MRPL1: variants seen among roughly 807,000 people sequenced by gnomAD.
MRPL1 encodes the protein large ribosomal subunit protein uL1m.
A neutral mutation model predicts 38.0 loss-of-function variants in MRPL1; 28 were observed. The ratio of observed to expected loss-of-function variants is 0.74; its 90% CI spans 0.55 to 1.01. The LOEUF (loss-of-function observed/expected upper bound fraction) is 1.01. Among genes scored for constraint, MRPL1 ranks in the 50% least tolerant of loss-of-function variants. The probability of loss-of-function intolerance (pLI) is 0.00; values close to 1 mark genes in which losing one functional copy is unlikely to be tolerated. For synonymous variants in MRPL1, 123 were observed against 126.7 expected (o/e 0.97, Z 0.20); for missense variants, 358 against 389.8 (o/e 0.92, Z 0.69).
intron 6 of MRPL1, among the ~76,000 whole-genome samples, chr4:77,896,793 A>G (rs565294574): frequency 3.2e-4 from 49 of 152,148 alleles, no homozygotes; most frequent in Non-Finnish European, 5.6e-4. Context: ...TTAATTGCTT[A>G]CATAACTGTA....
rs376670757 is a variant in MRPL1, at chr4:77,932,338, G to C, written c.778-17459G>C. Among the ~76,000 whole-genome samples the C allele has an allele frequency of 3.3e-5, 5 of 152,222 alleles. 1 individual carries two copies. Among genetic ancestry groups the C allele is most frequent in the African/African-American group, 1.2e-4 (5 of 41,540 alleles). ...TGCATGATCACCTCTCTCAGCTTCC[G>C]AAGAGTTTGGGCATTACTTCCCAAC... On this transcript the variant is annotated intron_variant, in intron 7 of 8. Coordinates refer to ENST00000315567, the MANE Select transcript of MRPL1 (RefSeq NM_020236.4).
At chr4:77,922,911 A>G (rs549784440) in intron 7 of MRPL1, among the ~76,000 whole-genome samples, 3 of 152,312 alleles carry the variant, frequency 2.0e-5, no homozygotes, top group Admixed American at 1.3e-4. Flanking sequence ...TCAAGTCTGA[A>G]TCAGAGAAAA....
At chr4:77,888,966 C>A (rs1412270739) in intron 5 of MRPL1, among the ~76,000 whole-genome samples, 2 of 152,124 alleles carry the variant, frequency 1.3e-5, no homozygotes, top group African/African-American at 4.8e-5. Flanking sequence ...TACAGGGGCA[C>A]CCAGATTCAT....
At chr4:77,901,736 T>C (rs1251650139) in intron 6 of MRPL1, among the ~76,000 whole-genome samples, 1 of 152,174 alleles carries the variant, frequency 6.6e-6, no homozygotes, top group Non-Finnish European at 1.5e-5. Flanking sequence ...AAAGGAGAAA[T>C]AGACTAATCA....
rs76177138 is a variant in MRPL1 at position 77,944,208 on chromosome 4, T to C, written c.778-5589T>C. ...CAGGCTCCAGGCTGGTACTGGGGCA[T>C]GTCTGCACAGAGTACTATGATGTGA... On this transcript the variant is annotated intron_variant, in intron 7 of 8. Transcript: ENST00000315567. Among the ~76,000 whole-genome samples, 355 of 152,296 alleles carry C rather than the reference T, an allele frequency of 2.3e-3. 3 individuals are homozygous for C. Among genetic ancestry groups the C allele is most frequent in the African/African-American group, 7.9e-3 (327 of 41,580 alleles).
chr4:77,918,473 G>T lies in MRPL1; in HGVS notation c.777+9101G>T, dbSNP rs1236612677. Reference sequence around the variant, plus strand: ...GCTTGCTGACTACTATGTCTGAATTGTAGCCTGTGTGAAAGAGGCAAGAGG... The same window carrying T: ...GCTTGCTGACTACTATGTCTGAATTTTAGCCTGTGTGAAAGAGGCAAGAGG... On this transcript the variant is annotated intron_variant, in intron 7 of 8. Transcript: ENST00000315567. Among the ~76,000 whole-genome samples, 3 of 152,126 alleles carry T rather than the reference G, an allele frequency of 2.0e-5. No homozygotes were observed. The East Asian group carries it at 5.8e-4, about 29-fold the overall frequency.
At chr4:77,898,645 C>A (rs1312759586) in intron 6 of MRPL1, among the ~76,000 whole-genome samples, 1 of 152,006 alleles carries the variant, frequency 6.6e-6, no homozygotes, top group Non-Finnish European at 1.5e-5. Context: ...TGTGCGCCAC[C>A]ATGCCCAGGT....
chr4:77,949,298 A>G (rs1462972511), intron 7 of MRPL1, among the ~76,000 whole-genome samples: 1 of 152,222 alleles, frequency 6.6e-6, no homozygotes, highest in African/African-American at 2.4e-5. Context: ...TTGTTATTGC[A>G]TAGTGTTTGA....
chr4:77,942,490 CT>C (rs1188835639), intron 7 of MRPL1, among the ~76,000 whole-genome samples: 1 of 151,812 alleles, frequency 6.6e-6, no homozygotes, highest in Non-Finnish European at 1.5e-5. Context: ...TATTGTGTTG[CT>C]GTCTATCTCA....
At chr4:77,887,552 G>A (rs1330763451) in intron 5 of MRPL1, among the ~76,000 whole-genome samples, 1 of 152,052 alleles carries the variant, frequency 6.6e-6, no homozygotes, top group African/African-American at 2.4e-5. Context: ...TTGAGACAAG[G>A]TCTCTCTCTG....
At chr4:77,888,144 A>G (rs1374294719) in intron 5 of MRPL1, among the ~76,000 whole-genome samples, 1 of 152,166 alleles carries the variant, frequency 6.6e-6, no homozygotes, top group Non-Finnish European at 1.5e-5. Flanking sequence ...TTTAGCTTCT[A>G]ATCCTTTCAG....
At chr4:77,867,011 G>A (rs1409514510) in intron 1 of MRPL1, among the ~76,000 whole-genome samples, 1 of 152,064 alleles carries the variant, frequency 6.6e-6, no homozygotes, top group Non-Finnish European at 1.5e-5. Flanking sequence ...CTCCCAAAGT[G>A]CTGGGATTAC....
chr4:77,907,555 CCTTT>C (rs1328912219), intron 6 of MRPL1, among the ~76,000 whole-genome samples: 1 of 146,266 alleles, frequency 6.8e-6, no homozygotes, highest in Admixed American at 6.9e-5. Flanking sequence ...AGCCTCCCTC[CCTTT>C]CTTTCTCCCC....
At position 77,928,816 on chromosome 4, in the gene MRPL1, A is replaced by G; in HGVS notation, c.777+19444A>G. ...TATTTTTGATCAAAAATAATTTATT[A>G]TCATTTCTAGTGTTCTTACCTATAT... On this transcript the variant is annotated intron_variant, in intron 7 of 8. Coordinates refer to ENST00000315567, the MANE Select transcript of MRPL1 (RefSeq NM_020236.4). 1.3e-5 allele frequency among the ~76,000 whole-genome samples: 2 copies of G among 152,244 alleles called. 1 individual carries two copies. The highest frequency in any genetic ancestry group is 2.9e-5 in the Non-Finnish European group (2 of 68,006).
intron 4 of MRPL1, among the ~76,000 whole-genome samples, chr4:77,886,127 G>C (rs894937774): frequency 6.6e-6 from 1 of 152,014 alleles, no homozygotes; most frequent in Non-Finnish European, 1.5e-5. Flanking sequence ...AACTATAATG[G>C]TTCTGAATGT....
intron 6 of MRPL1, among the ~76,000 whole-genome samples, chr4:77,897,406 A>G (rs1212793806): frequency 2.0e-5 from 3 of 152,216 alleles, no homozygotes; most frequent in Non-Finnish European, 4.4e-5. Flanking sequence ...TCAGATGTTT[A>G]TTATGCATAT....
At chr4:77,926,770 A>G (rs1191742140) in intron 7 of MRPL1, among the ~76,000 whole-genome samples, 1 of 151,794 alleles carries the variant, frequency 6.6e-6, no homozygotes, top group East Asian at 1.9e-4. Flanking sequence ...CACCGTGCCC[A>G]GCTAATTTTT....
intron 5 of MRPL1, among the ~76,000 whole-genome samples, chr4:77,892,971 G>A (rs1056616117): frequency 3.0e-5 from 2 of 65,932 alleles, no homozygotes; most frequent in African/African-American, 2.2e-4. Flanking sequence ...GTAAGTTGTT[G>A]TTAAGGAGAG....
Position 77,948,459 on chromosome 4 carries a change from C to G in MRPL1, c.778-1338C>G, listed in dbSNP as rs148256851. Among the ~76,000 whole-genome samples, 242 of 152,182 alleles carry G rather than the reference C, an allele frequency of 1.6e-3. 1 individual carries two copies. Among genetic ancestry groups the G allele is most frequent in the African/African-American group, 5.6e-3 (233 of 41,506 alleles). On this transcript the variant is annotated intron_variant, in intron 7 of 8. Coordinates refer to ENST00000315567, the MANE Select transcript of MRPL1 (RefSeq NM_020236.4). ...ACTTAATAAGGTGAACTAAGCATTG[C>G]TTTTATTTTTTTTCCTCTCAGAACT...
Sources: gnomAD v4.1 joint callset for allele counts (sites outside exome capture counted in the v4.1 genomes callset) on GRCh38, gnomAD v4.1.1 for gene constraint, MANE v1.5 for transcripts, NCBI Gene and HGNC (gene_info 2026-07-23, HGNC 2026-07-21) for gene names.